The following DNER variants were observed in gnomAD, a reference collection of about 807,000 sequenced individuals.
DNER encodes the protein delta and Notch-like epidermal growth factor-related receptor.
DNER carries 33 observed loss-of-function variants against 78.2 expected under a neutral mutation model. The ratio of observed to expected loss-of-function variants is 0.42; its 90% CI spans 0.32 to 0.56. The LOEUF (loss-of-function observed/expected upper bound fraction) is 0.56, where lower values mean the gene tolerates loss of function less well. DNER is among the 20% of genes least tolerant of loss of function. The pLI, the probability that DNER is intolerant of heterozygous loss-of-function variation, is 0.11. For missense variants in DNER, 918 were observed against 975.3 expected (o/e 0.94, Z 0.78); for synonymous variants, 417 against 384.8 (o/e 1.08, Z -0.98).
intron 1 of DNER, among the ~76,000 whole-genome samples, chr2:229,601,827 A>T (rs534664605): frequency 6.6e-6 from 1 of 152,302 alleles, no homozygotes; most frequent in South Asian, 2.1e-4. Context: ...GATAAGTCAT[A>T]GTGATGAATC....
At chr2:229,471,508 A>T (rs1486379054) in intron 7 of DNER, among the ~76,000 whole-genome samples, 1 of 152,352 alleles carries the variant, frequency 6.6e-6, no homozygotes, top group East Asian at 1.9e-4. Context: ...GACTTGAAAC[A>T]TGATGGATTT....
intron 6 of DNER, among the ~76,000 whole-genome samples, chr2:229,478,919 T>G (rs1695094392): frequency 6.6e-6 from 1 of 152,078 alleles, no homozygotes; most frequent in Non-Finnish European, 1.5e-5. Context: ...CACCTAGGTA[T>G]TAAGCCCAGC....
intron 4 of DNER, among the ~76,000 whole-genome samples, chr2:229,581,467 G>A (rs1200417285): frequency 6.6e-6 from 1 of 152,146 alleles, no homozygotes; most frequent in African/African-American, 2.4e-5. Context: ...AACATATTTG[G>A]AAGTAACATA....
At chr2:229,691,137 G>A (rs1443705670) in intron 1 of DNER, among the ~76,000 whole-genome samples, 1 of 152,044 alleles carries the variant, frequency 6.6e-6, no homozygotes, top group Admixed American at 6.6e-5. Flanking sequence ...CCAGCATTTG[G>A]GAAAGCTTTT....
intron 6 of DNER, among the ~76,000 whole-genome samples, chr2:229,505,177 A>AGTGTGTGTGTGTGTGTGTGTGT (rs144321798): frequency 4.0e-4 from 50 of 126,516 alleles, no homozygotes; most frequent in South Asian, 9.3e-4. Context: ...GTGTTGCTGC[A>AGTGTGTGTGTGTGTGTGTGTGT]GTGTGTGTGT....
chr2:229,390,403 A>T (rs1469086732), intron 10 of DNER, among the ~76,000 whole-genome samples: 1 of 152,248 alleles, frequency 6.6e-6, no homozygotes, highest in Non-Finnish European at 1.5e-5. Context: ...GGCCTGCTCC[A>T]GTCCAGAGCT....
chr2:229,625,070 A>G (rs1574933553), intron 1 of DNER, among the ~76,000 whole-genome samples: 1 of 152,180 alleles, frequency 6.6e-6, no homozygotes, highest in Non-Finnish European at 1.5e-5. Context: ...TTGAAGATAA[A>G]TATGAGAAGA....
intron 1 of DNER, among the ~76,000 whole-genome samples, chr2:229,599,631 A>T (rs566751320): frequency 1.2e-4 from 18 of 152,356 alleles, no homozygotes; most frequent in African/African-American, 4.3e-4. Flanking sequence ...CACTCCATCA[A>T]AATTATTTTT....
At chr2:229,458,847 C>T (rs576812833) in intron 7 of DNER, among the ~76,000 whole-genome samples, 6 of 151,832 alleles carry the variant, frequency 4.0e-5, no homozygotes, top group East Asian at 1.9e-4. Context: ...CAACAATCTA[C>T]GATTTTATAC....
At position 229,397,463 on chromosome 2, in the gene DNER, C is replaced by CAAAAAA. The variant is rs763572496; in HGVS notation, c.1724-9073_1724-9068dup. On this transcript the variant is annotated intron_variant, in intron 10 of 12. Coordinates refer to ENST00000341772, the MANE Select transcript of DNER (RefSeq NM_139072.4). ...ACTGCTCCACTCCAGCCAAACACTA[C>CAAAAAA]AAAAAAAAAAAAAAAACTGCAAGTC... 4.6e-3 allele frequency among the ~76,000 whole-genome samples: 443 copies of CAAAAAA among 96,570 alleles called. 10 individuals are homozygous for CAAAAAA. The highest frequency in any genetic ancestry group is 0.015 in the African/African-American group (408 of 26,742). The allele number at this position is 96,570 out of a possible 152,430, so 63.4% of individuals were successfully genotyped here. A position where few individuals can be genotyped will look rare whatever the true frequency, so the allele number is the denominator to read the frequency against.
chr2:229,363,736 G>T (rs773377541), intron 12 of DNER, among the ~76,000 whole-genome samples: 18 of 151,988 alleles, frequency 1.2e-4, no homozygotes, highest in Non-Finnish European at 2.5e-4. Flanking sequence ...CTTCCCCATG[G>T]GCCATATGAG....
chr2:229,630,305 G>A (rs1049767423), intron 1 of DNER, among the ~76,000 whole-genome samples: 1 of 151,820 alleles, frequency 6.6e-6, no homozygotes, highest in African/African-American at 2.4e-5. Flanking sequence ...GCAAAACCCT[G>A]TCTCTACTAA....
chr2:229,687,925 C>G (rs1240830935), intron 1 of DNER, among the ~76,000 whole-genome samples: 1 of 152,294 alleles, frequency 6.6e-6, no homozygotes, highest in East Asian at 1.9e-4. Context: ...CTTCCTGTCC[C>G]CTTGATCTGG....
At chr2:229,468,583 C>T (rs1006910172) in intron 7 of DNER, among the ~76,000 whole-genome samples, 4 of 152,132 alleles carry the variant, frequency 2.6e-5, no homozygotes, top group Admixed American at 6.5e-5. Context: ...CAGCACTCCC[C>T]ACTTCCCAAG....
intron 5 of DNER, among the ~76,000 whole-genome samples, chr2:229,531,939 T>C (rs1696311822): frequency 6.6e-6 from 1 of 152,090 alleles, no homozygotes; most frequent in African/African-American, 2.4e-5. Flanking sequence ...ATATGAAATG[T>C]CCAGAGCAGT....
chr2:229,366,908 C>T lies in DNER; in HGVS notation c.2067G>A (p.Glu689=). Residue 689 remains glutamate, a synonymous_variant, in exon 12 of 13, where the codon GAG becomes GAA. Transcript: ENST00000341772. ...EFYNCRSIDS[E]FSNAIASIRH... The stretch of plus-strand genomic sequence containing the variant: ...GGATGGATGCAATGGCATTGCTGAA[C>T]TCGCTGTCGATGCTGCGGCAGTTGT... 6.2e-7 allele frequency: 1 copy of T among 1,614,198 alleles called. No homozygotes were observed. Among genetic ancestry groups the T allele is most frequent in the Non-Finnish European group, 8.5e-7 (1 of 1,180,036 alleles).
intron 11 of DNER, among the ~76,000 whole-genome samples, chr2:229,369,277 TA>T (rs1202958464): frequency 4.0e-5 from 6 of 150,540 alleles, no homozygotes; most frequent in Non-Finnish European, 7.4e-5. Flanking sequence ...TCTAAAAAGT[TA>T]AAAAAAAGTT....
chr2:229,477,365 C>T (rs987161014), intron 6 of DNER, 112 bp from the exon 7 acceptor site: 15 of 631,056 alleles, frequency 2.4e-5, no homozygotes, highest in African/African-American at 1.3e-4. Flanking sequence ...GCAGTGGCAG[C>T]CTTCAGCTAA....
At chr2:229,539,511 T>G (rs924706415) in intron 5 of DNER, among the ~76,000 whole-genome samples, 2 of 152,238 alleles carry the variant, frequency 1.3e-5, no homozygotes, top group Non-Finnish European at 2.9e-5. Flanking sequence ...CAGAGAATAT[T>G]TTCTCACTAT....
Sources: gnomAD v4.1 joint callset for allele counts (sites outside exome capture counted in the v4.1 genomes callset) on GRCh38, gnomAD v4.1.1 for gene constraint, MANE v1.5 for transcripts, NCBI Gene and HGNC (gene_info 2026-07-23, HGNC 2026-07-21) for gene names.